Variants in TTC28 observed in about 807,000 individuals in gnomAD.
TTC28 encodes the protein tetratricopeptide repeat domain 28.
A neutral mutation model predicts 198.0 loss-of-function variants in TTC28; 61 were observed. The ratio of observed to expected loss-of-function variants is 0.31; its 90% CI spans 0.25 to 0.38. TTC28 has a LOEUF of 0.38. Among genes scored for constraint, TTC28 ranks in the 10% least tolerant of loss-of-function variants. The probability of loss-of-function intolerance (pLI) is 1.00; values close to 1 mark genes in which losing one functional copy is unlikely to be tolerated. For synonymous variants in TTC28, 1,171 were observed against 1,297.8 expected, an observed-to-expected ratio of 0.90 and a Z score of 2.10; for missense variants, 2,678 against 3,164.0, an observed-to-expected ratio of 0.85 and a Z score of 3.69.
intron 12 of TTC28, among the ~76,000 whole-genome samples, chr22:28,034,764 C>G (rs1210381242): frequency 6.6e-6 from 1 of 152,180 alleles, no homozygotes; most frequent in Non-Finnish European, 1.5e-5. Context: ...GAGAGGGGAG[C>G]TGGAGAGAGG....
intron 2 of TTC28, among the ~76,000 whole-genome samples, chr22:28,319,556 G>A (rs180931933): frequency 1.6e-4 from 24 of 152,204 alleles, no homozygotes; most frequent in African/African-American, 5.1e-4. Flanking sequence ...GTCAATAATG[G>A]GGGAGGTTAT....
intron 6 of TTC28, among the ~76,000 whole-genome samples, chr22:28,110,724 T>C (rs1942457564): frequency 6.6e-6 from 1 of 151,998 alleles, no homozygotes; most frequent in Admixed American, 6.6e-5. Context: ...CGCTTGAGCT[T>C]AGGAGTTCAA....
intron 5 of TTC28, among the ~76,000 whole-genome samples, chr22:28,275,362 C>T (rs987678570): frequency 2.6e-5 from 4 of 152,168 alleles, no homozygotes; most frequent in Non-Finnish European, 5.9e-5. Context: ...GTTTGTGATA[C>T]AGTCTGTTAA....
At chr22:28,574,212 A>G (rs1242770166) in intron 2 of TTC28, among the ~76,000 whole-genome samples, 1 of 151,996 alleles carries the variant, frequency 6.6e-6, no homozygotes, top group African/African-American at 2.4e-5. Flanking sequence ...GGATTTCACT[A>G]TGTTGCCCAG....
Position 28,107,242 on chromosome 22 carries a change from C to T in TTC28, c.2603G>A (p.Ser868Asn). 6.4e-7 allele frequency: 1 copy of T among 1,551,748 alleles called. No individual in the cohort carries two copies. The highest frequency in any genetic ancestry group is 8.7e-7 in the Non-Finnish European group (1 of 1,147,004). Reference sequence around the variant, plus strand: ...CCTGTCGAGCACAGACTCATTTCCACTTAGCTGCTGCAGCATGGCCAATTG... The same window carrying T: ...CCTGTCGAGCACAGACTCATTTCCATTTAGCTGCTGCAGCATGGCCAATTG... ...EQQLAMLQQL[S>N]GNESVLDRGR... The change falls in exon 7 of 23, where the codon AGT (serine) becomes AAT (asparagine). Residue 868 changes from serine (S) to asparagine (N), a missense_variant. Transcript: ENST00000397906.
At position 28,679,681 on chromosome 22, in the gene TTC28, G is replaced by T; in HGVS notation, c.43C>A (p.Pro15Thr). The T allele has an allele frequency of 7.5e-7, 1 of 1,327,360 alleles. No homozygotes were observed. Among genetic ancestry groups the T allele is most frequent in the Non-Finnish European group, 9.6e-7 (1 of 1,042,958 alleles). The allele number at this position is 1,327,360 out of a possible 1,614,324, so 82.2% of individuals were successfully genotyped here. Residue 15 changes from proline (P) to threonine (T), a missense_variant, in exon 1 of 23, where the codon CCG (proline) becomes ACG (threonine). Physicochemically the swap from Pro to Thr is conservative, Grantham distance 38. Transcript: ENST00000397906. ...PPPAPEPTQG[P>T]TPARSRRRRE... ...CGCCTTCGGCTCCTTGCGGGGGTCG[G>T]CCCTTGGGTCGGCTCGGGCGCCGGC...
chr22:28,645,946 T>C (rs2051458580), intron 1 of TTC28, among the ~76,000 whole-genome samples: 1 of 152,034 alleles, frequency 6.6e-6, no homozygotes, highest in Non-Finnish European at 1.5e-5. Context: ...GCATGTATGA[T>C]AAACTTACAG....
At chr22:28,299,599 T>C (rs1368301436) in intron 3 of TTC28, among the ~76,000 whole-genome samples, 1 of 152,226 alleles carries the variant, frequency 6.6e-6, no homozygotes, top group Non-Finnish European at 1.5e-5. Flanking sequence ...AATGAAATAC[T>C]GTGAGCAGAA....
At chr22:28,407,254 G>A (rs1048888159) in intron 2 of TTC28, among the ~76,000 whole-genome samples, 3 of 152,066 alleles carry the variant, frequency 2.0e-5, no homozygotes, top group Non-Finnish European at 4.4e-5. Flanking sequence ...TTCCTAGACC[G>A]AGACAAAGAT....
At chr22:28,576,505 A>G (rs1372323849) in intron 2 of TTC28, among the ~76,000 whole-genome samples, 1 of 152,052 alleles carries the variant, frequency 6.6e-6, no homozygotes, top group African/African-American at 2.4e-5. Flanking sequence ...TCATAGAATG[A>G]GTTTGGAAGT....
At chr22:28,239,173 A>G (rs1929475427) in intron 5 of TTC28, among the ~76,000 whole-genome samples, 1 of 151,592 alleles carries the variant, frequency 6.6e-6, no homozygotes, top group South Asian at 2.1e-4. Context: ...AACAAAGCAG[A>G]ATTTTTACTT....
chr22:28,094,190 A>C lies in TTC28; in HGVS notation c.3822T>G (p.Ser1274Arg), dbSNP rs1334473248. The C allele has an allele frequency of 3.2e-6, 5 of 1,551,626 alleles. No homozygotes were observed. The highest frequency in any genetic ancestry group is 4.4e-6 in the Non-Finnish European group (5 of 1,146,948). The change falls in exon 12 of 23, where the codon AGT (serine) becomes AGG (arginine). Residue 1274 changes from serine (S) to arginine (R), a missense_variant. Around this residue, in one of 8 missense-constraint regions of TTC28, gnomAD observed 727 missense variants for 861.9 expected, o/e 0.84. Coordinates refer to ENST00000397906, the MANE Select transcript of TTC28 (RefSeq NM_001145418.2). ...YLGENTVENS[S>R]DFQASSSVTL... Reference sequence around the variant, plus strand: ...TTACACTGCTGCTGGCCTGGAAGTCACTTGAGTTTTCCACTGTGTTCTCAC... The same window carrying C: ...TTACACTGCTGCTGGCCTGGAAGTCCCTTGAGTTTTCCACTGTGTTCTCAC...
chr22:28,554,347 A>G (rs2049753524), intron 2 of TTC28, among the ~76,000 whole-genome samples: 2 of 149,956 alleles, frequency 1.3e-5, no homozygotes, highest in Admixed American at 6.7e-5. Context: ...CCCCCTCTGC[A>G]AGAAACACCC....
chr22:28,322,467 A>G (rs889415202), intron 2 of TTC28, among the ~76,000 whole-genome samples: 2 of 152,326 alleles, frequency 1.3e-5, no homozygotes, highest in Middle Eastern at 3.4e-3. Context: ...GGAGATCATT[A>G]TGATCATTAA....
intron 2 of TTC28, among the ~76,000 whole-genome samples, chr22:28,318,664 T>C (rs1311927004): frequency 1.3e-5 from 2 of 152,102 alleles, no homozygotes; most frequent in East Asian, 1.9e-4. Context: ...ATATAAAACA[T>C]GTTGTATTTT....
chr22:28,290,035 T>A (rs2044758873), intron 5 of TTC28, among the ~76,000 whole-genome samples: 2 of 151,402 alleles, frequency 1.3e-5, no homozygotes, highest in South Asian at 4.2e-4. Context: ...AAAAAAAAAT[T>A]TTTTTTTTTA....
At chr22:28,243,222 C>CCACA (rs1379761401) in intron 5 of TTC28, among the ~76,000 whole-genome samples, 1 of 113,864 alleles carries the variant, frequency 8.8e-6, no homozygotes, top group Non-Finnish European at 1.8e-5. Flanking sequence ...AACTAGCCAG[C>CCACA]CACACTGTCA....
chr22:28,647,731 C>A (rs1256030223), intron 1 of TTC28, among the ~76,000 whole-genome samples: 1 of 150,396 alleles, frequency 6.6e-6, no homozygotes, highest in African/African-American at 2.4e-5. Flanking sequence ...CCCAGCTACT[C>A]GGGAGGCTGA....
intron 6 of TTC28, among the ~76,000 whole-genome samples, chr22:28,159,977 T>G (rs2147044020): frequency 6.6e-6 from 1 of 152,312 alleles, no homozygotes; most frequent in South Asian, 2.1e-4. Context: ...CATTGCATGT[T>G]CTCACTTATT....
Sources: gnomAD v4.1 joint callset for allele counts (sites outside exome capture counted in the v4.1 genomes callset) on GRCh38, gnomAD v4.1.1 for gene constraint, gnomAD v4.1.1 regional missense constraint, MANE v1.5 for transcripts, NCBI Gene and HGNC (gene_info 2026-07-23, HGNC 2026-07-21) for gene names.